Variants in ABHD17C observed in about 807,000 individuals in gnomAD.
ABHD17C encodes alpha/beta hydrolase domain-containing protein 17C.
ABHD17C carries 11 observed loss-of-function variants against 27.9 expected under a neutral mutation model. The ratio of observed to expected loss-of-function variants is 0.39; its 90% CI spans 0.25 to 0.65. ABHD17C has a LOEUF of 0.65. ABHD17C is among the 30% of genes least tolerant of loss of function. The probability of loss-of-function intolerance (pLI) is 0.45; values close to 1 mark genes in which losing one functional copy is unlikely to be tolerated. For synonymous variants in ABHD17C, 233 were observed against 209.1 expected (o/e 1.11, Z -0.98); for missense variants, 280 against 470.2 (o/e 0.60, Z 3.74).
intron 1 of ABHD17C, among the ~76,000 whole-genome samples, chr15:80,744,279 A>G (rs117579207): frequency 0.016 from 2,490 of 152,308 alleles, 32 homozygotes; most frequent in Middle Eastern, 0.027. Context: ...AAATAAATAC[A>G]TAATAATAAT....
intron 1 of ABHD17C, among the ~76,000 whole-genome samples, chr15:80,730,271 G>A (rs1184377877): frequency 6.6e-6 from 1 of 152,130 alleles, no homozygotes; most frequent in Admixed American, 6.6e-5. Flanking sequence ...CCAGTATCTG[G>A]GACCACTCAG....
chr15:80,734,839 T>C (rs567332522), intron 1 of ABHD17C, among the ~76,000 whole-genome samples: 2 of 152,222 alleles, frequency 1.3e-5, no homozygotes, highest in Admixed American at 6.5e-5. Context: ...TTACAAAAAT[T>C]AGGTAAAGCT....
chr15:80,730,874 GAAT>G (rs1394658046), intron 1 of ABHD17C, among the ~76,000 whole-genome samples: 5 of 152,136 alleles, frequency 3.3e-5, no homozygotes, highest in Non-Finnish European at 7.4e-5. Context: ...TGGGTATTTT[GAAT>G]TATTAATGTC....
chr15:80,698,525 C>A (rs1225782928), intron 1 of ABHD17C, among the ~76,000 whole-genome samples: 1 of 152,202 alleles, frequency 6.6e-6, no homozygotes, highest in African/African-American at 2.4e-5. Flanking sequence ...GTTTAGTACT[C>A]TTGCGAGGGC....
rs377172495 is a variant in ABHD17C, at chr15:80,754,178, T to C, written c.798T>C (p.Ser266=). Residue 266 remains serine (S), a synonymous_variant, in exon 3 of 3, where the codon TCT becomes TCC. Transcript: ENST00000258884. ...PSIDKISKVT[S]PVLVIHGTED... ...TTGACAAGATATCTAAAGTCACCTC[T>C]CCTGTGTTGGTCATTCATGGTACAG... 1 of 1,613,950 alleles carries C rather than the reference T, an allele frequency of 6.2e-7. No homozygotes were observed. The highest frequency in any genetic ancestry group is 1.1e-5 in the South Asian group (1 of 91,078).
chr15:80,739,246 T>G (rs897355960), intron 1 of ABHD17C, among the ~76,000 whole-genome samples: 1 of 152,100 alleles, frequency 6.6e-6, no homozygotes, highest in Non-Finnish European at 1.5e-5. Context: ...CCCTGGCCCC[T>G]GAAAACACAG....
chr15:80,753,527 T>C (rs1449460185), intron 2 of ABHD17C, among the ~76,000 whole-genome samples: 2 of 152,202 alleles, frequency 1.3e-5, no homozygotes, highest in Non-Finnish European at 2.9e-5. Context: ...ATTATCTTTT[T>C]GTTTTGTTTT....
rs10572505 is a variant in ABHD17C, at chr15:80,726,501, G to GTTTTTTTTTTTTTT, written c.591-22997_591-22984dup. Among the ~76,000 whole-genome samples the GTTTTTTTTTTTTTT allele has an allele frequency of 7.3e-4, 69 of 94,490 alleles. 6 individuals are homozygous for GTTTTTTTTTTTTTT. The highest frequency in any genetic ancestry group is 3.4e-3 in the African/African-American group (64 of 18,706). 62.0% of individuals were successfully genotyped at this position (94,490 alleles called of 152,430 possible). A position where few individuals can be genotyped will look rare whatever the true frequency, so the allele number is the denominator to read the frequency against. On this transcript the variant is annotated intron_variant, in intron 1 of 2. Coordinates refer to ENST00000258884, the MANE Select transcript of ABHD17C (RefSeq NM_021214.2). ...CCTTGGTTAATTGCTTCTTTTTCTG[G>GTTTTTTTTTTTTTT]TTTTTTTTTTTTTTTTTTTTTTTTT...
intron 1 of ABHD17C, among the ~76,000 whole-genome samples, chr15:80,728,753 T>C (rs1895017242): frequency 6.6e-6 from 1 of 152,162 alleles, no homozygotes; most frequent in African/African-American, 2.4e-5. Context: ...GTAGTCAAAT[T>C]AGTTATCAAA....
chr15:80,744,465 T>A (rs1439622572), intron 1 of ABHD17C, among the ~76,000 whole-genome samples: 1 of 152,194 alleles, frequency 6.6e-6, no homozygotes, highest in East Asian at 1.9e-4. Flanking sequence ...TCCTGATACT[T>A]TCACAGAATT....
In ABHD17C at chr15:80,737,606, G is replaced by A. The variant is rs76492341; in HGVS notation, c.591-11907G>A. On this transcript the variant is annotated intron_variant, in intron 1 of 2. Transcript: ENST00000258884. ...TCATTGTAAGTGTAGGGCATGCCAC[G>A]GTGCAGTTAAACACATCCACCTTCC... is the stretch of plus-strand genomic sequence containing the variant. 7.1e-3 allele frequency among the ~76,000 whole-genome samples: 1,086 copies of A among 152,194 alleles called. 13 individuals are homozygous for A. Among genetic ancestry groups the A allele is most frequent in the African/African-American group, 0.025 (1,032 of 41,504 alleles).
At chr15:80,707,404 G>A (rs943127144) in intron 1 of ABHD17C, among the ~76,000 whole-genome samples, 6 of 152,166 alleles carry the variant, frequency 3.9e-5, no homozygotes, top group African/African-American at 7.2e-5. Context: ...TAGGAGTTCA[G>A]TTAATGAAAA....
chr15:80,718,158 C>T (rs1894835045), intron 1 of ABHD17C, among the ~76,000 whole-genome samples: 1 of 152,176 alleles, frequency 6.6e-6, no homozygotes, highest in African/African-American at 2.4e-5. Context: ...GCTTTTCTAA[C>T]AGTCCCATGC....
At chr15:80,739,020 T>C (rs1895171098) in intron 1 of ABHD17C, among the ~76,000 whole-genome samples, 1 of 152,026 alleles carries the variant, frequency 6.6e-6, no homozygotes, top group East Asian at 1.9e-4. Flanking sequence ...TGCCAACCTG[T>C]TGTGTGGGAG....
intron 1 of ABHD17C, among the ~76,000 whole-genome samples, chr15:80,716,934 G>A (rs1894811293): frequency 6.6e-6 from 1 of 152,118 alleles, no homozygotes; most frequent in African/African-American, 2.4e-5. Context: ...GTCTGACGAG[G>A]GGCAGTGCAG....
intron 1 of ABHD17C, among the ~76,000 whole-genome samples, chr15:80,743,239 A>G (rs1036304790): frequency 5.9e-5 from 9 of 152,264 alleles, no homozygotes; most frequent in African/African-American, 1.9e-4. Context: ...GTCTTCAACA[A>G]TGCCAGGGAG....
intron 1 of ABHD17C, among the ~76,000 whole-genome samples, chr15:80,717,001 A>G (rs1894812308): frequency 6.6e-6 from 1 of 152,230 alleles, no homozygotes; most frequent in Non-Finnish European, 1.5e-5. Flanking sequence ...AAGATGAACA[A>G]ATAGCCTGCT....
intron 2 of ABHD17C, among the ~76,000 whole-genome samples, 187 bp from the exon 3 acceptor site, chr15:80,753,964 G>A (rs1245761957): frequency 3.3e-5 from 5 of 152,152 alleles, no homozygotes; most frequent in Non-Finnish European, 7.4e-5. Flanking sequence ...CAGTTATGCT[G>A]TGAACCTAAA....
chr15:80,745,011 G>T (rs1895263164), intron 1 of ABHD17C, among the ~76,000 whole-genome samples: 1 of 152,110 alleles, frequency 6.6e-6, no homozygotes, highest in South Asian at 2.1e-4. Flanking sequence ...TTTTGTGAGG[G>T]CTGTCTCCAT....
Sources: allele counts gnomAD v4.1 joint callset (sites outside exome capture counted in the v4.1 genomes callset), GRCh38; gene constraint gnomAD v4.1.1; transcripts MANE v1.5; gene names NCBI Gene and HGNC (gene_info 2026-07-23, HGNC 2026-07-21).